Variants in ROBO2 observed in about 807,000 individuals in gnomAD.
ROBO2 encodes the protein roundabout guidance receptor 2.
Under a neutral mutation model 160.8 loss-of-function variants are expected in ROBO2, and 53 were observed. The ratio of observed to expected loss-of-function variants is 0.33; its 90% CI spans 0.26 to 0.41. The LOEUF (loss-of-function observed/expected upper bound fraction) is 0.41. ROBO2 is among the 10% of genes least tolerant of loss of function. The pLI, the probability that ROBO2 is intolerant of heterozygous loss-of-function variation, is 1.00. For synonymous variants in ROBO2, 664 were observed against 611.7 expected (o/e 1.09, Z -1.26); for missense variants, 1,577 against 1,722.4 (o/e 0.92, Z 1.49).
chr3:75,946,782 A>C (rs868609200), intron 2 of ROBO2, among the ~76,000 whole-genome samples: 32 of 152,220 alleles, frequency 2.1e-4, no homozygotes, highest in Middle Eastern at 6.8e-3. Context: ...ATGGAGAGGT[A>C]TTACATGAGT....
rs553472500 is a variant in ROBO2, at chr3:76,354,336, T to A, written c.109+416734T>A. ...CTTTTCCTAAATTAAGGAGAACATT[T>A]GGGGAACACTTTCACAAGGTTTGAA... On this transcript the variant is annotated intron_variant, in intron 2 of 26. Coordinates refer to the ROBO2 transcript ENST00000487694. 1.2e-4 allele frequency among the ~76,000 whole-genome samples: 19 copies of A among 152,038 alleles called. No homozygotes were observed. The South Asian group carries it at 3.7e-3, about 30-fold the overall frequency.
chr3:76,008,586 G>T lies in ROBO2; in HGVS notation c.109+70984G>T, dbSNP rs115934957. 4.8e-3 allele frequency among the ~76,000 whole-genome samples: 738 copies of T among 152,274 alleles called. 5 individuals carry two copies. Among genetic ancestry groups the T allele is most frequent in the African/African-American group, 0.017 (709 of 41,558 alleles). ...GAGCACCAAACTTGCCCCTTCCTCT[G>T]CAATAACCTAAACACAAAAGTCTCA... On this transcript the variant is annotated intron_variant, in intron 2 of 26. Coordinates refer to the ROBO2 transcript ENST00000487694.
chr3:76,487,309 C>T (rs955302124), intron 2 of ROBO2, among the ~76,000 whole-genome samples: 1 of 151,810 alleles, frequency 6.6e-6, no homozygotes, highest in Non-Finnish European at 1.5e-5. Flanking sequence ...CTTTCTGTCC[C>T]GTCACATCCT....
chr3:76,873,624 TCTTA>T (rs1300871206), intron 2 of ROBO2, among the ~76,000 whole-genome samples: 3 of 151,930 alleles, frequency 2.0e-5, no homozygotes, highest in Non-Finnish European at 4.4e-5. Context: ...GAAATGAGGG[TCTTA>T]CTATGTTGCC....
At chr3:76,158,887 T>C (rs187492726) in intron 2 of ROBO2, among the ~76,000 whole-genome samples, 2 of 152,168 alleles carry the variant, frequency 1.3e-5, no homozygotes, top group Non-Finnish European at 2.9e-5. Flanking sequence ...ACCATAAAAA[T>C]ATAGTGTTAC....
At chr3:76,793,151 A>G (rs1036285008) in intron 2 of ROBO2, among the ~76,000 whole-genome samples, 3 of 151,844 alleles carry the variant, frequency 2.0e-5, no homozygotes, top group African/African-American at 4.8e-5. Flanking sequence ...GTAAGACTGT[A>G]TTTATAATAT....
chr3:76,618,149 C>T (rs1244494566), intron 2 of ROBO2, among the ~76,000 whole-genome samples: 2 of 151,642 alleles, frequency 1.3e-5, no homozygotes, highest in Non-Finnish European at 1.5e-5. Context: ...CTTCTTTCGA[C>T]CCCATCTGAC....
rs114925455 is a variant in ROBO2 at position 76,744,303 on chromosome 3, C to T, written c.110-353711C>T. Among the ~76,000 whole-genome samples the T allele has an allele frequency of 2.2e-3, 337 of 152,064 alleles. 3 individuals carry two copies. The highest frequency in any genetic ancestry group is 7.9e-3 in the African/African-American group (326 of 41,504). ...TACTTCTTCTTCTTCCCCTCCTCTTCCTCTTCCGTCTTTTTCTTCTTCTCT... is the reference window on the plus strand; with the variant it reads ...TACTTCTTCTTCTTCCCCTCCTCTTTCTCTTCCGTCTTTTTCTTCTTCTCT... On this transcript the variant is annotated intron_variant, in intron 2 of 26. Transcript: ENST00000487694.
At chr3:77,186,393 T>C (rs1305224570) in intron 2 of ROBO2, among the ~76,000 whole-genome samples, 1 of 151,752 alleles carries the variant, frequency 6.6e-6, no homozygotes, top group African/African-American at 2.4e-5. Flanking sequence ...AAATGAGAGA[T>C]TATTAATAAA....
chr3:76,827,532 C>T (rs1470374081), intron 2 of ROBO2, among the ~76,000 whole-genome samples: 3 of 151,960 alleles, frequency 2.0e-5, no homozygotes, highest in East Asian at 1.9e-4. Context: ...TCTTTCTTTG[C>T]GGAAACAGAA....
At chr3:76,342,798 ATAG>A (rs1388369873) in intron 2 of ROBO2, among the ~76,000 whole-genome samples, 3 of 152,090 alleles carry the variant, frequency 2.0e-5, no homozygotes, top group African/African-American at 7.2e-5. Context: ...GGCCCACTTA[ATAG>A]TAGGTATAGA....
intron 2 of ROBO2, among the ~76,000 whole-genome samples, chr3:76,263,366 A>G (rs977345804): frequency 2.6e-5 from 4 of 152,112 alleles, no homozygotes; most frequent in Non-Finnish European, 5.9e-5. Context: ...AGCTGTGACT[A>G]CAGGCATGCA....
intron 2 of ROBO2, among the ~76,000 whole-genome samples, chr3:76,002,312 G>A (rs567028819): frequency 3.9e-5 from 6 of 152,244 alleles, no homozygotes; most frequent in African/African-American, 9.6e-5. Flanking sequence ...TAAGCCAAGC[G>A]ATATGGTTTG....
chr3:76,558,976 A>G (rs958443160), intron 2 of ROBO2, among the ~76,000 whole-genome samples: 6 of 152,164 alleles, frequency 3.9e-5, no homozygotes, highest in African/African-American at 1.4e-4. Flanking sequence ...TATAAAATGT[A>G]CAAACCTAGG....
At chr3:77,481,076 TTC>T (rs2084632753) in intron 3 of ROBO2, 21 bp from the exon 4 acceptor site, 1 of 1,599,534 alleles carries the variant, frequency 6.3e-7, no homozygotes, top group Admixed American at 1.7e-5. Flanking sequence ...CCCTTCTCTT[TTC>T]TTTTTGTTTG....
Position 76,837,277 on chromosome 3 carries a change from C to T in ROBO2, c.110-260737C>T, listed in dbSNP as rs1253083122. Among the ~76,000 whole-genome samples, 3 of 151,744 alleles carry T rather than the reference C, an allele frequency of 2.0e-5. No homozygotes were observed. The East Asian group carries it at 5.8e-4, about 29-fold the overall frequency. On this transcript the variant is annotated intron_variant, in intron 2 of 26. Coordinates refer to the ROBO2 transcript ENST00000487694. ...CTTTAGCTTTATAAAATATTTGAAGCTTTACATAATGCACATACTAAAAAC... is the reference window on the plus strand; with the variant it reads ...CTTTAGCTTTATAAAATATTTGAAGTTTTACATAATGCACATACTAAAAAC...
chr3:76,451,463 T>TTGCCATC (rs2077470897), intron 2 of ROBO2, among the ~76,000 whole-genome samples: 1 of 152,172 alleles, frequency 6.6e-6, no homozygotes, highest in Admixed American at 6.6e-5. Context: ...TATTCCATAT[T>TTGCCATC]TGCCATCTGT....
At chr3:76,399,513 A>G (rs2077690628) in intron 2 of ROBO2, among the ~76,000 whole-genome samples, 1 of 151,802 alleles carries the variant, frequency 6.6e-6, no homozygotes, top group African/African-American at 2.4e-5. Context: ...AGCTTTCAAC[A>G]TGGATGAGAT....
intron 2 of ROBO2, among the ~76,000 whole-genome samples, chr3:77,126,939 C>T (rs2075384742): frequency 6.6e-6 from 1 of 151,482 alleles, no homozygotes; most frequent in Non-Finnish European, 1.5e-5. Flanking sequence ...CAGGTGCCCG[C>T]CACCACGCCC....
Sources: gnomAD v4.1 joint callset for allele counts (sites outside exome capture counted in the v4.1 genomes callset) on GRCh38, gnomAD v4.1.1 for gene constraint, MANE v1.5 for transcripts, NCBI Gene and HGNC (gene_info 2026-07-23, HGNC 2026-07-21) for gene names.